Variants in KCNAB1 observed in about 807,000 individuals in gnomAD.
The protein encoded by KCNAB1 is voltage-gated potassium channel subunit beta-1.
In KCNAB1, 35 loss-of-function variants were observed where a neutral mutation model predicts 64.6. That is an observed-to-expected ratio of 0.54 (90% CI 0.41 to 0.72). KCNAB1 has a LOEUF of 0.72. KCNAB1 is among the 30% of genes least tolerant of loss of function. KCNAB1 has a pLI of 0.00. For missense variants in KCNAB1, 401 were observed against 512.9 expected, an observed-to-expected ratio of 0.78 and a Z score of 2.11; for synonymous variants, 177 against 183.8, an observed-to-expected ratio of 0.96 and a Z score of 0.30.
intron 1 of KCNAB1, among the ~76,000 whole-genome samples, chr3:156,412,361 T>G (rs954055209): frequency 7.9e-5 from 12 of 152,224 alleles, no homozygotes; most frequent in Non-Finnish European, 1.2e-4. Flanking sequence ...ATGAATGCCT[T>G]CTGTCTTGCC....
At chr3:156,133,301 T>C (rs903786355) in intron 1 of KCNAB1, among the ~76,000 whole-genome samples, 3 of 152,244 alleles carry the variant, frequency 2.0e-5, no homozygotes, top group African/African-American at 4.8e-5. Context: ...AAATATTAAA[T>C]GCTTAAATCT....
At chr3:156,176,470 C>T (rs530842265) in intron 1 of KCNAB1, 23 of 787,646 alleles carry the variant, frequency 2.9e-5, no homozygotes, top group East Asian at 2.9e-4. Flanking sequence ...GTCCCTTTAG[C>T]GTTTTAACCC....
chr3:156,280,911 C>T (rs1204806412), intron 1 of KCNAB1, among the ~76,000 whole-genome samples: 11 of 148,558 alleles, frequency 7.4e-5, no homozygotes, highest in Admixed American at 2.0e-4. Flanking sequence ...CATCTGCAAA[C>T]AGGGACAATT....
At chr3:156,363,623 A>C (rs1047675253) in intron 1 of KCNAB1, among the ~76,000 whole-genome samples, 2 of 152,072 alleles carry the variant, frequency 1.3e-5, no homozygotes, top group African/African-American at 4.8e-5. Flanking sequence ...TTACAGGCGC[A>C]CACCACCACA....
At chr3:156,354,047 ATG>A (rs368761986) in intron 1 of KCNAB1, among the ~76,000 whole-genome samples, 20,412 of 137,230 alleles carry the variant, frequency 0.15, 1,560 homozygotes, top group Middle Eastern at 0.24. Context: ...GTGTATATAT[ATG>A]TGTGTGTGTG....
intron 1 of KCNAB1, among the ~76,000 whole-genome samples, chr3:156,236,537 A>G (rs1434596036): frequency 6.6e-6 from 1 of 152,198 alleles, no homozygotes; most frequent in Non-Finnish European, 1.5e-5. Flanking sequence ...CCAACCTAAC[A>G]GCCATTTGGG....
chr3:156,271,129 C>G (rs896810808), intron 1 of KCNAB1, among the ~76,000 whole-genome samples: 3 of 152,010 alleles, frequency 2.0e-5, no homozygotes, highest in Admixed American at 2.0e-4. Flanking sequence ...TATTTTTGAC[C>G]TTTAGGAGTT....
At position 156,139,584 on chromosome 3, in the gene KCNAB1, G is replaced by GTTTTTTTTTTTTTTTTTTTT. The variant is rs386398329; in HGVS notation, c.275+18705_275+18724dup. On this transcript the variant is annotated intron_variant, in intron 1 of 13. Coordinates refer to ENST00000490337, the MANE Select transcript of KCNAB1 (RefSeq NM_172160.3). ...TTTCTCCCTAACTCCATTGTACTGT[G>GTTTTTTTTTTTTTTTTTTTT]TTTTTTTTTTTTTTTTTTTTTTTTT... 9.0e-5 allele frequency among the ~76,000 whole-genome samples: 5 copies of GTTTTTTTTTTTTTTTTTTTT among 55,256 alleles called. 1 individual carries two copies. Among genetic ancestry groups the GTTTTTTTTTTTTTTTTTTTT allele is most frequent in the African/African-American group, 3.0e-4 (4 of 13,224 alleles). 36.3% of individuals were successfully genotyped at this position (55,256 alleles called of 152,430 possible). A position where few individuals can be genotyped will look rare whatever the true frequency, so the allele number is the denominator to read the frequency against.
At chr3:156,158,164 C>CAA (rs1324815125) in intron 1 of KCNAB1, among the ~76,000 whole-genome samples, 4 of 42,878 alleles carry the variant, frequency 9.3e-5, no homozygotes, top group East Asian at 2.5e-3. Flanking sequence ...AACTCTGTCT[C>CAA]AAAAAAAAAA....
intron 1 of KCNAB1, among the ~76,000 whole-genome samples, chr3:156,250,886 T>C (rs1717794106): frequency 6.6e-6 from 1 of 152,262 alleles, no homozygotes; most frequent in Admixed American, 6.5e-5. Context: ...ACTGGTTATC[T>C]TGCTAGACAT....
At chr3:156,357,610 G>A (rs1353331078) in intron 1 of KCNAB1, among the ~76,000 whole-genome samples, 1 of 152,054 alleles carries the variant, frequency 6.6e-6, no homozygotes, top group African/African-American at 2.4e-5. Context: ...GAAGCTACAT[G>A]TGTAAATTTA....
intron 1 of KCNAB1, among the ~76,000 whole-genome samples, chr3:156,125,009 A>G (rs941738806): frequency 2.0e-5 from 3 of 151,930 alleles, no homozygotes; most frequent in Non-Finnish European, 4.4e-5. Context: ...GTGGTGGTGC[A>G]TGCCTGAGGT....
intron 1 of KCNAB1, among the ~76,000 whole-genome samples, chr3:156,204,354 A>G (rs929421652): frequency 2.0e-5 from 3 of 152,062 alleles, no homozygotes; most frequent in Admixed American, 2.0e-4. Flanking sequence ...TCATTCACTA[A>G]CTTCCCAGGT....
At chr3:156,337,533 T>A (rs1255928421) in intron 1 of KCNAB1, among the ~76,000 whole-genome samples, 1 of 152,330 alleles carries the variant, frequency 6.6e-6, no homozygotes, top group East Asian at 1.9e-4. Context: ...CACTGCCTTC[T>A]CCACCGATGA....
At chr3:156,224,038 G>C (rs887830057) in intron 1 of KCNAB1, among the ~76,000 whole-genome samples, 1 of 152,268 alleles carries the variant, frequency 6.6e-6, no homozygotes, top group African/African-American at 2.4e-5. Context: ...ACTCAGGCAT[G>C]GCGGGCTGCA....
At chr3:156,344,917 C>T (rs1724383042) in intron 1 of KCNAB1, among the ~76,000 whole-genome samples, 1 of 152,160 alleles carries the variant, frequency 6.6e-6, no homozygotes, top group African/African-American at 2.4e-5. Context: ...CTCTTCCTCC[C>T]AGAGTTCACA....
chr3:156,296,108 GTT>G (rs1445372488), intron 1 of KCNAB1, among the ~76,000 whole-genome samples: 5 of 152,136 alleles, frequency 3.3e-5, no homozygotes, highest in Admixed American at 2.6e-4. Context: ...CACTGTGTTA[GTT>G]TGGTGTACAC....
chr3:156,303,028 C>T (rs1486804329), intron 1 of KCNAB1, among the ~76,000 whole-genome samples: 5 of 152,174 alleles, frequency 3.3e-5, no homozygotes, highest in Admixed American at 2.0e-4. Context: ...GCTGTCCCTG[C>T]TTTGTTCACA....
intron 1 of KCNAB1, among the ~76,000 whole-genome samples, chr3:156,271,892 C>T (rs1719059331): frequency 6.6e-6 from 1 of 152,174 alleles, no homozygotes; most frequent in African/African-American, 2.4e-5. Context: ...AGTTTGTGGT[C>T]ACTGCAGCCA....
Sources: allele counts gnomAD v4.1 joint callset (sites outside exome capture counted in the v4.1 genomes callset), GRCh38; gene constraint gnomAD v4.1.1; transcripts MANE v1.5; gene names NCBI Gene and HGNC (gene_info 2026-07-23, HGNC 2026-07-21).